Variants in LIFR observed in about 807,000 individuals in gnomAD.
The protein encoded by LIFR is leukemia inhibitory factor receptor.
LIFR carries 84 observed loss-of-function variants against 122.2 expected under a neutral mutation model. The observed-to-expected ratio is 0.69, with a 90% CI of 0.58 to 0.82. The LOEUF (loss-of-function observed/expected upper bound fraction) is 0.82. LIFR is among the 40% of genes least tolerant of loss of function. LIFR has a pLI of 0.00. For synonymous variants in LIFR, 422 were observed against 434.7 expected, an observed-to-expected ratio of 0.97 and a Z score of 0.36; for missense variants, 1,294 against 1,311.6, an observed-to-expected ratio of 0.99 and a Z score of 0.21.
Position 38,593,307 on chromosome 5 carries a change from C to A in LIFR, c.-20+1954G>T, listed in dbSNP as rs374280284. Among the ~76,000 whole-genome samples the A allele has an allele frequency of 1.8e-4, 28 of 152,236 alleles. No homozygotes were observed. In the East Asian group the frequency reaches 5.0e-3, roughly 27 times the overall value. On this transcript the variant is annotated intron_variant, in intron 1 of 19. Transcript: ENST00000263409. ...AAACTGGGGGGGATGTTAATGAATT[C>A]TGTTAGAATGGGGAATCTGGCATAG...
intron 1 of LIFR, among the ~76,000 whole-genome samples, chr5:38,591,788 A>T (rs1217169834): frequency 6.6e-6 from 1 of 152,244 alleles, no homozygotes; most frequent in Non-Finnish European, 1.5e-5. Flanking sequence ...AGGTGGGATA[A>T]TGTGAAACAG....
chr5:38,494,031 G>C (rs1490761465), intron 13 of LIFR, among the ~76,000 whole-genome samples: 1 of 152,106 alleles, frequency 6.6e-6, no homozygotes, highest in Non-Finnish European at 1.5e-5. Flanking sequence ...TTTAAAAAGC[G>C]CCTAGGATCA....
At position 38,487,899 on chromosome 5, in the gene LIFR, T is replaced by C. The variant is rs372420534; in HGVS notation, c.2335+1179A>G. Among the ~76,000 whole-genome samples the C allele has an allele frequency of 3.9e-5, 6 of 152,338 alleles. No homozygotes were observed. In the South Asian group the frequency reaches 1.2e-3, roughly 32 times the overall value. The stretch of plus-strand genomic sequence containing the variant: ...GGAGAAGTTCCTTCTCAACAATGCC[T>C]GACTGCCCACACAGATTTCACAATC... On this transcript the variant is annotated intron_variant, in intron 16 of 19. Coordinates refer to ENST00000453190, the MANE Select transcript of LIFR (RefSeq NM_001127671.2).
At chr5:38,535,963 C>T (rs1469796798) in intron 1 of LIFR, among the ~76,000 whole-genome samples, 1 of 152,150 alleles carries the variant, frequency 6.6e-6, no homozygotes, top group Non-Finnish European at 1.5e-5. Flanking sequence ...AAAGTGACAT[C>T]TGTCCAACAC....
At chr5:38,534,530 G>A (rs1026371779) in intron 1 of LIFR, among the ~76,000 whole-genome samples, 11 of 152,162 alleles carry the variant, frequency 7.2e-5, no homozygotes, top group Admixed American at 2.6e-4. Context: ...AAATTTATCA[G>A]TATATAGGTC....
intron 1 of LIFR, among the ~76,000 whole-genome samples, chr5:38,565,290 C>T (rs2112702004): frequency 1.3e-5 from 2 of 152,102 alleles, no homozygotes; most frequent in South Asian, 4.2e-4. Context: ...GAAATACAGC[C>T]CTCACTAATT....
At chr5:38,569,336 G>T (rs377020047) in intron 1 of LIFR, among the ~76,000 whole-genome samples, 3 of 152,106 alleles carry the variant, frequency 2.0e-5, no homozygotes, top group African/African-American at 4.8e-5. Flanking sequence ...CTACTGCAGG[G>T]TTCACTGGAC....
intron 1 of LIFR, among the ~76,000 whole-genome samples, chr5:38,565,511 A>G (rs1055624115): frequency 6.6e-6 from 1 of 151,962 alleles, no homozygotes; most frequent in Non-Finnish European, 1.5e-5. Flanking sequence ...TCATATGTCC[A>G]CAAAACATAT....
intron 1 of LIFR, among the ~76,000 whole-genome samples, chr5:38,582,906 A>C (rs6883795): frequency 0.49 from 74,559 of 152,098 alleles, 18,709 homozygotes; most frequent in African/African-American, 0.58. Context: ...TCCTTCTGAA[A>C]CCTCTCTGAC....
chr5:38,485,408 G>A (rs1034473464), intron 17 of LIFR, among the ~76,000 whole-genome samples: 2 of 152,114 alleles, frequency 1.3e-5, no homozygotes, highest in Admixed American at 6.5e-5. Context: ...GATAGTCAAG[G>A]CCATCACTCT....
chr5:38,555,491 A>G (rs1161508954), intron 1 of LIFR, among the ~76,000 whole-genome samples: 1 of 152,232 alleles, frequency 6.6e-6, no homozygotes, highest in African/African-American at 2.4e-5. Context: ...TCTGAAACTG[A>G]ACAGGAATCG....
At chr5:38,518,427 A>T (rs917385384) in intron 5 of LIFR, among the ~76,000 whole-genome samples, 1 of 152,294 alleles carries the variant, frequency 6.6e-6, no homozygotes, top group East Asian at 1.9e-4. Context: ...TGTGCTATAT[A>T]ACAATACTTC....
At chr5:38,557,086 A>C (rs1748622044), upstream of LIFR, 1 of 152,266 alleles carries the variant, frequency 6.6e-6, no homozygotes, top group South Asian at 2.1e-4. Flanking sequence ...GCACACAAGA[A>C]AACCAGCTTC....
At chr5:38,549,252 T>TACACACACAC (rs58706799) in intron 1 of LIFR, among the ~76,000 whole-genome samples, 54 of 147,910 alleles carry the variant, frequency 3.7e-4, no homozygotes, top group African/African-American at 1.1e-3. Context: ...TAGAAAATTG[T>TACACACACAC]ACACACACAC....
intron 7 of LIFR, among the ~76,000 whole-genome samples, chr5:38,509,691 G>A (rs1299146858): frequency 6.6e-6 from 1 of 152,168 alleles, no homozygotes; most frequent in Non-Finnish European, 1.5e-5. Flanking sequence ...AGCATAAAGG[G>A]AGGAAGGGAC....
intron 7 of LIFR, 76 bp downstream of exon 7, chr5:38,510,388 C>T: frequency 1.4e-6 from 2 of 1,388,978 alleles, no homozygotes; most frequent in Admixed American, 3.4e-5. Context: ...CACCCCCCCA[C>T]TCCAGAAGAA....
chr5:38,579,979 T>A (rs1749528845), intron 1 of LIFR, among the ~76,000 whole-genome samples: 1 of 152,226 alleles, frequency 6.6e-6, no homozygotes, highest in South Asian at 2.1e-4. Flanking sequence ...AAAAGGATTT[T>A]AATTTTAAAT....
At position 38,496,677 on chromosome 5, in the gene LIFR, C is replaced by T. The variant is rs3729741; in HGVS notation, c.1672-82G>A. On this transcript the variant is annotated intron_variant, in intron 12 of 19. Transcript: ENST00000453190. ...AAGGTAATTGGGTTTAAACTGGACA[C>T]TATATTAACAATAACAAGGTTGGCC... 0.33 allele frequency: 319,415 copies of T among 968,124 alleles called. 54,852 individuals are homozygous for T. The highest frequency in any genetic ancestry group is 0.41 in the East Asian group (16,708 of 40,868). 60.0% of individuals were successfully genotyped at this position (968,124 alleles called of 1,614,324 possible). A position where few individuals can be genotyped will look rare whatever the true frequency, so the allele number is the denominator to read the frequency against.
chr5:38,545,062 G>A (rs1177948983), intron 1 of LIFR, among the ~76,000 whole-genome samples: 1 of 152,112 alleles, frequency 6.6e-6, no homozygotes, highest in African/African-American at 2.4e-5. Context: ...CTGAGGTCAG[G>A]AGTTCAAGGC....
Sources: gnomAD v4.1 joint callset for allele counts (sites outside exome capture counted in the v4.1 genomes callset) on GRCh38, gnomAD v4.1.1 for gene constraint, MANE v1.5 for transcripts, NCBI Gene and HGNC (gene_info 2026-07-23, HGNC 2026-07-21) for gene names.